IL1RAPL2: variants seen among roughly 807,000 people sequenced by gnomAD.
IL1RAPL2 encodes the protein interleukin 1 receptor accessory protein like 2, also known as X-linked interleukin-1 receptor accessory protein-like 2.
IL1RAPL2 carries 3 observed loss-of-function variants against 44.1 expected under a neutral mutation model. That is an observed-to-expected ratio of 0.07 (90% CI 0.03 to 0.18). IL1RAPL2 has a LOEUF of 0.18. Among genes scored for constraint, IL1RAPL2 ranks in the 10% least tolerant of loss-of-function variants. IL1RAPL2 has a pLI of 1.00. For missense variants in IL1RAPL2, 391 were observed against 496.4 expected (o/e 0.79, Z 2.02); for synonymous variants, 181 against 178.8 (o/e 1.01, Z -0.10).
At chrX:105,169,153 G>A (rs375472755) in intron 2 of IL1RAPL2, among the ~76,000 whole-genome samples, 19 of 111,256 alleles carry the variant, frequency 1.7e-4, no homozygotes, top group East Asian at 1.4e-3. Context: ...ACTTTTTGTC[G>A]AATGATGTTA....
chrX:104,873,544 C>T (rs1388442074), intron 2 of IL1RAPL2, among the ~76,000 whole-genome samples: 1 of 111,660 alleles, frequency 9.0e-6, no homozygotes, highest in Non-Finnish European at 1.9e-5. Flanking sequence ...TGCAGCTCTG[C>T]TCCATGTTTT....
intron 2 of IL1RAPL2, among the ~76,000 whole-genome samples, chrX:104,876,651 CTT>C (rs777164255): frequency 1.5e-5 from 1 of 64,703 alleles, no homozygotes; most frequent in Non-Finnish European, 2.9e-5. Flanking sequence ...ATATAGCTTT[CTT>C]TTTTTTTTTT....
chrX:104,596,150 A>G (rs1928760924), intron 1 of IL1RAPL2, among the ~76,000 whole-genome samples: 1 of 111,433 alleles, frequency 9.0e-6, no homozygotes, highest in South Asian at 3.7e-4. Context: ...TAATTAACAT[A>G]TTAATAATGA....
At chrX:105,296,118 G>T (rs2034652960) in intron 5 of IL1RAPL2, among the ~76,000 whole-genome samples, 1 of 111,277 alleles carries the variant, frequency 9.0e-6, no homozygotes, top group Non-Finnish European at 1.9e-5. Flanking sequence ...CACAATCTTT[G>T]TTTAGTCACA....
chrX:105,739,349 ATTTAT>A (rs1164364741), intron 7 of IL1RAPL2, among the ~76,000 whole-genome samples: 2 of 109,172 alleles, frequency 1.8e-5, no homozygotes, highest in African/African-American at 6.7e-5. Context: ...TTTACGATTT[ATTTAT>A]TTATTTATTA....
intron 4 of IL1RAPL2, among the ~76,000 whole-genome samples, chrX:105,236,291 A>C (rs1357036716): frequency 8.9e-6 from 1 of 111,780 alleles, no homozygotes; most frequent in African/African-American, 3.3e-5. Flanking sequence ...GCCACTTCTC[A>C]CTCTTCCTTA....
At chrX:104,906,617 T>G (rs1403337517) in intron 2 of IL1RAPL2, among the ~76,000 whole-genome samples, 1 of 112,152 alleles carries the variant, frequency 8.9e-6, no homozygotes, top group Admixed American at 9.4e-5. Flanking sequence ...TTTACTGATT[T>G]GCATATACTG....
At chrX:104,846,247 A>ATGTG (rs1922047986) in intron 2 of IL1RAPL2, among the ~76,000 whole-genome samples, 1 of 110,476 alleles carries the variant, frequency 9.1e-6, no homozygotes, top group Admixed American at 9.7e-5. Context: ...TGCACAACAC[A>ATGTG]CAGGTTTGTT....
chrX:105,513,141 G>A (rs1462312941), intron 6 of IL1RAPL2, among the ~76,000 whole-genome samples: 2 of 111,324 alleles, frequency 1.8e-5, no homozygotes, highest in Admixed American at 9.5e-5. Flanking sequence ...GTGTATATGT[G>A]CCACATTTTC....
At chrX:105,180,961 C>T in intron 2 of IL1RAPL2, among the ~76,000 whole-genome samples, 1 of 110,683 alleles carries the variant, frequency 9.0e-6, no homozygotes, top group Non-Finnish European at 1.9e-5. Context: ...CTATCTGTTC[C>T]TGGGGTTTTC....
intron 6 of IL1RAPL2, among the ~76,000 whole-genome samples, chrX:105,615,711 G>T (rs2147828762): frequency 8.9e-6 from 1 of 111,932 alleles, no homozygotes; most frequent in African/African-American, 3.2e-5. Context: ...TGGAGGGATG[G>T]CTAATGGATA....
At chrX:105,125,190 A>G (rs1302666351) in intron 2 of IL1RAPL2, among the ~76,000 whole-genome samples, 1 of 110,820 alleles carries the variant, frequency 9.0e-6, no homozygotes, top group Non-Finnish European at 1.9e-5. Flanking sequence ...GGTTAATGTT[A>G]TCATTTCCAT....
intron 6 of IL1RAPL2, among the ~76,000 whole-genome samples, chrX:105,646,403 G>A (rs1381777529): frequency 8.9e-6 from 1 of 111,809 alleles, no homozygotes; most frequent in Admixed American, 9.5e-5. Flanking sequence ...GTATTTGCCA[G>A]TTTTGCTTTT....
chrX:104,874,279 CCTCTCTCTCTCTCTCTCTCT>C (rs59789265), intron 2 of IL1RAPL2, among the ~76,000 whole-genome samples: 1 of 76,321 alleles, frequency 1.3e-5, no homozygotes, highest in African/African-American at 5.1e-5. Context: ...TGTCTGTATT[CCTCTCTCTCTCTCTCTCTCT>C]CTCTCTCTCT....
chrX:105,457,031 T>TAC (rs1309092206), intron 5 of IL1RAPL2, among the ~76,000 whole-genome samples: 2 of 71,033 alleles, frequency 2.8e-5, no homozygotes, highest in South Asian at 7.1e-4. Flanking sequence ...TATCTAAAGT[T>TAC]ATACACACAC....
intron 2 of IL1RAPL2, among the ~76,000 whole-genome samples, chrX:104,705,691 G>T (rs1044301587): frequency 9.0e-6 from 1 of 111,319 alleles, no homozygotes; most frequent in Non-Finnish European, 1.9e-5. Context: ...GTTTTAGTCA[G>T]GTTTCCTGAG....
chrX:104,658,634 G>T (rs769493331), intron 1 of IL1RAPL2, among the ~76,000 whole-genome samples: 101 of 112,312 alleles, frequency 9.0e-4, no homozygotes, highest in Middle Eastern at 4.6e-3. Context: ...CAAAAAAATT[G>T]AAAAAGAAAG....
chrX:105,433,703 T>C (rs752354987), intron 5 of IL1RAPL2, among the ~76,000 whole-genome samples: 1 of 111,167 alleles, frequency 9.0e-6, no homozygotes, highest in Non-Finnish European at 1.9e-5. Context: ...TCAAAGATGT[T>C]TAGTGACCAG....
intron 5 of IL1RAPL2, among the ~76,000 whole-genome samples, chrX:105,416,891 T>C (rs2035737121): frequency 8.9e-6 from 1 of 112,151 alleles, no homozygotes; most frequent in Admixed American, 9.5e-5. Flanking sequence ...TCAAAGCTGG[T>C]TCTTTAATAA....
Sources: gnomAD v4.1 joint callset for allele counts (sites outside exome capture counted in the v4.1 genomes callset) on GRCh38, gnomAD v4.1.1 for gene constraint, MANE v1.5 for transcripts, NCBI Gene and HGNC (gene_info 2026-07-23, HGNC 2026-07-21) for gene names.